The following APBA1 variants were observed in gnomAD, a reference collection of about 807,000 sequenced individuals.
APBA1 encodes amyloid beta precursor protein binding family A member 1.
Under a neutral mutation model 86.6 loss-of-function variants are expected in APBA1, and 55 were observed. That is an observed-to-expected ratio of 0.64 (90% CI 0.51 to 0.80). The LOEUF (loss-of-function observed/expected upper bound fraction) is 0.80, where lower values mean the gene tolerates loss of function less well. Among genes scored for constraint, APBA1 ranks in the 30% least tolerant of loss-of-function variants. The pLI is 0.00. For missense variants in APBA1, 1,090 were observed against 1,183.0 expected (o/e 0.92, Z 1.15); for synonymous variants, 511 against 493.9 (o/e 1.03, Z -0.46).
Position 69,517,244 on chromosome 9 carries a change from G to A in APBA1, c.-34C>T, listed in dbSNP as rs1460636629. 2.1e-6 allele frequency: 3 copies of A among 1,430,184 alleles called. No homozygotes were observed. The highest frequency in any genetic ancestry group is 2.7e-6 in the Non-Finnish European group (3 of 1,093,330). 88.6% of individuals were successfully genotyped at this position (1,430,184 alleles called of 1,614,324 possible). ...TCGGAACGGCTAGGAGAGAAGCTGG[G>A]CCCGGCTCACTGCGCTCTCATTTTG... On this transcript the variant is annotated 5_prime_UTR_variant, in exon 2 of 13. Transcript: ENST00000265381.
intron 10 of APBA1, among the ~76,000 whole-genome samples, chr9:69,445,972 A>G (rs556483292): frequency 6.6e-6 from 1 of 152,322 alleles, no homozygotes; most frequent in East Asian, 1.9e-4. Context: ...AGGTGATTCC[A>G]ATCAGTTTGA....
chr9:69,524,871 A>G (rs973446007), intron 1 of APBA1, among the ~76,000 whole-genome samples: 1 of 152,180 alleles, frequency 6.6e-6, no homozygotes, highest in African/African-American at 2.4e-5. Flanking sequence ...CAGCACATCA[A>G]AAAGTGATCC....
intron 11 of APBA1, among the ~76,000 whole-genome samples, chr9:69,435,638 GGTT>G (rs1438409129): frequency 1.3e-5 from 2 of 151,994 alleles, no homozygotes; most frequent in African/African-American, 4.8e-5. Flanking sequence ...TTTTTGATGG[GGTT>G]GTTTTTTTCT....
intron 1 of APBA1, among the ~76,000 whole-genome samples, chr9:69,644,414 A>G (rs1490293711): frequency 2.6e-5 from 4 of 152,114 alleles, no homozygotes; most frequent in South Asian, 2.1e-4. Context: ...TACTCTTTCA[A>G]TGTTGACACT....
chr9:69,662,021 AACACAC>A lies in APBA1; in HGVS notation c.-70+10126_-70+10131del, dbSNP rs3069250. Among the ~76,000 whole-genome samples, 887 of 146,230 alleles carry A rather than the reference AACACAC, an allele frequency of 6.1e-3. 1 individual carries two copies. The highest frequency in any genetic ancestry group is 0.011 in the African/African-American group (416 of 39,542). On this transcript the variant is annotated intron_variant, in intron 1 of 12. Transcript: ENST00000265381. ...CACTGAATGGACTAAGACAAACAGT[AACACAC>A]ACACACACACACACACACACACACA... is the stretch of plus-strand genomic sequence containing the variant.
chr9:69,651,677 TG>T (rs553294710), intron 1 of APBA1, among the ~76,000 whole-genome samples: 4 of 152,204 alleles, frequency 2.6e-5, no homozygotes, highest in Non-Finnish European at 4.4e-5. Context: ...GGTTTCGCCA[TG>T]TTGGCCAGGC....
intron 2 of APBA1, among the ~76,000 whole-genome samples, chr9:69,483,914 G>A (rs1835565804): frequency 6.6e-6 from 1 of 152,126 alleles, no homozygotes; most frequent in Non-Finnish European, 1.5e-5. Flanking sequence ...AAGAGAGCTG[G>A]TGGGTACTTG....
At chr9:69,490,287 A>G (rs1198632325) in intron 2 of APBA1, among the ~76,000 whole-genome samples, 6 of 151,906 alleles carry the variant, frequency 3.9e-5, no homozygotes, top group Non-Finnish European at 8.8e-5. Context: ...GAACACATGG[A>G]CACAGGAAGG....
chr9:69,656,982 A>C (rs554362031), intron 1 of APBA1, among the ~76,000 whole-genome samples: 196 of 152,038 alleles, frequency 1.3e-3, no homozygotes, highest in African/African-American at 4.5e-3. Flanking sequence ...AGTAGCTGGG[A>C]CTACAGGCGC....
chr9:69,540,163 C>A (rs1349233381), intron 1 of APBA1, among the ~76,000 whole-genome samples: 1 of 100,394 alleles, frequency 1.0e-5, no homozygotes, highest in Non-Finnish European at 2.4e-5. Flanking sequence ...CAACAAAAGT[C>A]ACCTTATAAG....
In APBA1 at chr9:69,557,412, C is replaced by T. The variant is rs187951862; in HGVS notation, c.-69-40133G>A. Among the ~76,000 whole-genome samples, 4 of 152,322 alleles carry T rather than the reference C, an allele frequency of 2.6e-5. 1 individual carries two copies. The highest frequency in any genetic ancestry group is 2.6e-4 in the Admixed American group (4 of 15,298). Reference sequence around the variant, plus strand: ...CACAACTTCACCTAGAGGTGAACTCCTGGCAATGAAGAACAATGAATAACC... The same window carrying T: ...CACAACTTCACCTAGAGGTGAACTCTTGGCAATGAAGAACAATGAATAACC... On this transcript the variant is annotated intron_variant, in intron 1 of 12. Coordinates refer to ENST00000265381, the MANE Select transcript of APBA1 (RefSeq NM_001163.4).
rs148339645 is a variant in APBA1, at chr9:69,435,242, C to T, written c.2302-2566G>A. ...CAAGTCTTTGCTATTGTGAATAGTG[C>T]CACAATAAACATACGTGTGCATGTG... is the stretch of plus-strand genomic sequence containing the variant. On this transcript the variant is annotated intron_variant, in intron 11 of 12. Transcript: ENST00000265381. Among the ~76,000 whole-genome samples the T allele has an allele frequency of 1.9e-3, 285 of 152,104 alleles. 5 individuals are homozygous for T. In the East Asian group the frequency reaches 0.025, roughly 13 times the overall value.
At position 69,445,193 on chromosome 9, in the gene APBA1, C is replaced by T. The variant is rs142537402; in HGVS notation, c.2182-4078G>A. ...TCATATTGCTCTGGTGGGTTCTTTC[C>T]GGTTCTTTCCTTCTCTGTGAATTGA... On this transcript the variant is annotated intron_variant, in intron 10 of 12. Coordinates refer to ENST00000265381, the MANE Select transcript of APBA1 (RefSeq NM_001163.4). 1.2e-4 allele frequency among the ~76,000 whole-genome samples: 19 copies of T among 152,264 alleles called. No homozygotes were observed. In the East Asian group the frequency reaches 2.3e-3, roughly 19 times the overall value.
intron 1 of APBA1, among the ~76,000 whole-genome samples, chr9:69,577,417 T>G (rs1171627330): frequency 6.6e-6 from 1 of 151,982 alleles, no homozygotes; most frequent in Non-Finnish European, 1.5e-5. Flanking sequence ...ACCCAGGTGG[T>G]TTTCTGATTT....
intron 3 of APBA1, 75 bp from the exon 4 acceptor site, chr9:69,471,770 C>A: frequency 8.2e-7 from 1 of 1,219,018 alleles, no homozygotes; most frequent in South Asian, 1.3e-5. Context: ...ATCCATGCAA[C>A]ATGAAAAATA....
chr9:69,589,363 G>A (rs537505373), intron 1 of APBA1, among the ~76,000 whole-genome samples: 14 of 152,286 alleles, frequency 9.2e-5, no homozygotes, highest in African/African-American at 3.1e-4. Flanking sequence ...ACCAAATGAC[G>A]TGATGCTAGG....
intron 1 of APBA1, among the ~76,000 whole-genome samples, chr9:69,654,210 T>C (rs1823563705): frequency 6.8e-6 from 1 of 147,408 alleles, no homozygotes; most frequent in East Asian, 2.0e-4. Context: ...CTCAAGGAAC[T>C]AGAAAAATAG....
At chr9:69,560,232 T>C (rs1056777613) in intron 1 of APBA1, among the ~76,000 whole-genome samples, 2 of 152,250 alleles carry the variant, frequency 1.3e-5, no homozygotes, top group African/African-American at 4.8e-5. Context: ...GTGATTTCTC[T>C]TTCTTTCTTT....
At chr9:69,636,393 T>C (rs1159482511) in intron 1 of APBA1, among the ~76,000 whole-genome samples, 2 of 152,178 alleles carry the variant, frequency 1.3e-5, no homozygotes, top group African/African-American at 4.8e-5. Flanking sequence ...ATTCCACTGC[T>C]AGGTATATAC....
Sources: allele counts gnomAD v4.1 joint callset (sites outside exome capture counted in the v4.1 genomes callset), GRCh38; gene constraint gnomAD v4.1.1; transcripts MANE v1.5; gene names NCBI Gene and HGNC (gene_info 2026-07-23, HGNC 2026-07-21).